DCAF1: variants seen among roughly 807,000 people sequenced by gnomAD.
The protein encoded by DCAF1 is DDB1- and CUL4-associated factor 1.
In DCAF1, 15 loss-of-function variants were observed where a neutral mutation model predicts 128.0. That is an observed-to-expected ratio of 0.12 (90% CI 0.08 to 0.18). The LOEUF (loss-of-function observed/expected upper bound fraction) is 0.18. Ranked by LOEUF, DCAF1 falls within the 10% of genes least tolerant of loss-of-function variation. The pLI is 1.00. For missense variants in DCAF1, 988 were observed against 1,649.5 expected, an observed-to-expected ratio of 0.60 and a Z score of 6.95; for synonymous variants, 610 against 603.0, an observed-to-expected ratio of 1.01 and a Z score of -0.17.
chr3:51,456,372 A>C (rs567689369), intron 6 of DCAF1, among the ~76,000 whole-genome samples: 62 of 152,322 alleles, frequency 4.1e-4, no homozygotes, highest in Middle Eastern at 3.4e-3. Flanking sequence ...GGCGCCCGCC[A>C]TTGCTGAGTT....
At chr3:51,432,288 A>AG (rs1553635811) in intron 10 of DCAF1, among the ~76,000 whole-genome samples, 2 of 148,694 alleles carry the variant, frequency 1.3e-5, no homozygotes, top group Admixed American at 1.3e-4. Context: ...AAAAAAAAAA[A>AG]GTATAAAAAG....
At chr3:51,469,218 CA>C (rs1553647511) in intron 4 of DCAF1, among the ~76,000 whole-genome samples, 2 of 141,626 alleles carry the variant, frequency 1.4e-5, no homozygotes, top group African/African-American at 5.3e-5. Flanking sequence ...TTTCCACACA[CA>C]AATTTTTTTT....
At chr3:51,449,365 G>T (rs531505003) in intron 6 of DCAF1, among the ~76,000 whole-genome samples, 1 of 151,936 alleles carries the variant, frequency 6.6e-6, no homozygotes, top group South Asian at 2.1e-4. Flanking sequence ...ACGCCATCAC[G>T]CCTGGCTAAT....
chr3:51,421,020 A>G, intron 14 of DCAF1, 23 bp from the exon 15 acceptor site: 1 of 1,583,946 alleles, frequency 6.3e-7, no homozygotes, highest in Middle Eastern at 1.7e-4. Flanking sequence ...AAAATTATGT[A>G]TTATTCACCA....
Position 51,489,878 on chromosome 3 carries a change from GGAA to G in DCAF1, c.-8-6045_-8-6043del, listed in dbSNP as rs1707434217. 3.3e-5 allele frequency among the ~76,000 whole-genome samples: 5 copies of G among 151,304 alleles called. No homozygotes were observed. The South Asian group carries it at 1.0e-3, about 32-fold the overall frequency. The stretch of plus-strand genomic sequence containing the variant: ...AGATAGATGGTATCCAAGTTGAAAA[GGAA>G]GAAGTAAAATTATCTTTATTCCTAG... On this transcript the variant is annotated intron_variant, in intron 2 of 24. Transcript: ENST00000684031.
chr3:51,451,219 G>C (rs1209541679), intron 6 of DCAF1, among the ~76,000 whole-genome samples: 1 of 150,230 alleles, frequency 6.7e-6, no homozygotes, highest in Non-Finnish European at 1.5e-5. Flanking sequence ...CTCCCAACTA[G>C]CCAGGACTAC....
At chr3:51,399,057 C>G (rs1258164767) in intron 24 of DCAF1, among the ~76,000 whole-genome samples, 1 of 152,260 alleles carries the variant, frequency 6.6e-6, no homozygotes, top group Non-Finnish European at 1.5e-5. Flanking sequence ...GGCCTGGACA[C>G]AGTTCCCCTG....
intron 3 of DCAF1, among the ~76,000 whole-genome samples, chr3:51,482,303 G>A (rs559649348): frequency 4.0e-5 from 6 of 150,680 alleles, no homozygotes; most frequent in African/African-American, 1.5e-4. Flanking sequence ...AAATTAGTCA[G>A]GTGTGGTGGT....
intron 13 of DCAF1, among the ~76,000 whole-genome samples, chr3:51,423,112 A>G (rs1443771953): frequency 2.0e-5 from 3 of 152,146 alleles, no homozygotes; most frequent in Non-Finnish European, 2.9e-5. Flanking sequence ...AGAAAAAGAA[A>G]GTAATCTGGA....
chr3:51,475,434 C>G (rs904018615), intron 3 of DCAF1, among the ~76,000 whole-genome samples: 2 of 151,924 alleles, frequency 1.3e-5, no homozygotes, highest in African/African-American at 2.4e-5. Context: ...AAATCCCCCC[C>G]ATCTCTACTA....
At chr3:51,496,951 A>T (rs1485454521) in intron 1 of DCAF1, among the ~76,000 whole-genome samples, 171 bp from the exon 2 acceptor site, 1 of 152,064 alleles carries the variant, frequency 6.6e-6, no homozygotes, top group South Asian at 2.1e-4. Flanking sequence ...GATTCCACAA[A>T]ATATATATAT....
chr3:51,495,770 A>G (rs1231701357), intron 2 of DCAF1, among the ~76,000 whole-genome samples: 1 of 152,014 alleles, frequency 6.6e-6, no homozygotes, highest in African/African-American at 2.4e-5. Flanking sequence ...ACTTACTTCA[A>G]TGTTCGTTTT....
chr3:51,422,312 G>A lies in DCAF1; in HGVS notation c.1967C>T (p.Thr656Ile), dbSNP rs1699473768. The A allele has an allele frequency of 3.9e-6, 3 of 765,034 alleles. No homozygotes were observed. The highest frequency in any genetic ancestry group is 4.9e-6 in the Non-Finnish European group (2 of 410,560). 47.4% of individuals were successfully genotyped at this position (765,034 alleles called of 1,614,324 possible). ...AATGGCAAAGTACAACCTACCTACA[G>A]TAGAGACTGTAGATCCAGCCTCATC... is the stretch of plus-strand genomic sequence containing the variant. ...VLDEAGSTVS[T>I]VGISIILGVA... The change falls in exon 14 of 25, where the codon ACT (threonine) becomes ATT (isoleucine). Residue 656 changes from threonine (T) to isoleucine (I), a missense_variant. This residue lies in a region of DCAF1 where 185 missense variants were observed against 248.1 expected (regional missense o/e 0.75). Coordinates refer to ENST00000684031, the MANE Select transcript of DCAF1 (RefSeq NM_001387579.1).
rs1699232529 is a variant in DCAF1, at chr3:51,419,792, A to G, written c.3178T>C (p.Phe1060Leu). 1.9e-6 allele frequency: 3 copies of G among 1,614,036 alleles called. No individual in the cohort carries two copies. Among genetic ancestry groups the G allele is most frequent in the Non-Finnish European group, 2.5e-6 (3 of 1,179,892 alleles). ...CCATCCACCCCTCCATACTTTGGAA[A>G]TGATGCCCTGCGGTTTAGCCTTGAC... ...FTSRLNRRAS[F>L]PKYGGVDGGC... Residue 1060 changes from phenylalanine to leucine, a missense_variant, in exon 15 of 25, where the codon TTT becomes CTT. Coordinates refer to ENST00000684031, the MANE Select transcript of DCAF1 (RefSeq NM_001387579.1).
At chr3:51,414,471 G>A (rs1002705584) in intron 19 of DCAF1, among the ~76,000 whole-genome samples, 153 bp downstream of exon 19, 1 of 152,224 alleles carries the variant, frequency 6.6e-6, no homozygotes, top group Admixed American at 6.5e-5. Context: ...CAGTGCTTTG[G>A]AGATTTCACT....
intron 4 of DCAF1, among the ~76,000 whole-genome samples, chr3:51,467,600 T>A: frequency 6.6e-6 from 1 of 152,114 alleles, no homozygotes. Flanking sequence ...TATACATATG[T>A]AACAAACCTG....
chr3:51,487,833 G>A lies in DCAF1; in HGVS notation c.-8-3997C>T, dbSNP rs563779877. Among the ~76,000 whole-genome samples the A allele has an allele frequency of 1.7e-4, 25 of 151,436 alleles. No homozygotes were observed. In the South Asian group the frequency reaches 2.7e-3, roughly 16 times the overall value. On this transcript the variant is annotated intron_variant, in intron 2 of 24. Coordinates refer to ENST00000684031, the MANE Select transcript of DCAF1 (RefSeq NM_001387579.1). The stretch of plus-strand genomic sequence containing the variant: ...TAGGATTACAGGGACAAACCACCAC[G>A]CCCAGCCTACCAAACTATTTATTTA...
intron 2 of DCAF1, 61 bp from the exon 3 acceptor site, chr3:51,483,897 G>T (rs1226536379): frequency 1.7e-6 from 2 of 1,165,242 alleles, no homozygotes; most frequent in African/African-American, 1.5e-5. Context: ...GCAAATAAAA[G>T]TGAAGAAGGG....
intron 7 of DCAF1, 86 bp from the exon 8 acceptor site, chr3:51,441,983 C>A: frequency 2.0e-6 from 3 of 1,500,318 alleles, no homozygotes; most frequent in Non-Finnish European, 2.6e-6. Context: ...CACATAATAA[C>A]TGGAGACTCA....
Sources: allele counts gnomAD v4.1 joint callset (sites outside exome capture counted in the v4.1 genomes callset), GRCh38; gene constraint gnomAD v4.1.1; regional missense constraint gnomAD v4.1.1; transcripts MANE v1.5; gene names NCBI Gene and HGNC (gene_info 2026-07-23, HGNC 2026-07-21).